AHCY: variants seen among roughly 807,000 people sequenced by gnomAD.
The protein encoded by AHCY is S-adenosyl-L-homocysteine hydrolase.
In AHCY, 24 loss-of-function variants were observed where a neutral mutation model predicts 45.4. The observed-to-expected ratio is 0.53, with a 90% CI of 0.38 to 0.74. The LOEUF is 0.74. Among genes scored for constraint, AHCY ranks in the 30% least tolerant of loss-of-function variants. The pLI is 0.00. For synonymous variants in AHCY, 245 were observed against 235.1 expected (o/e 1.04, Z -0.39); for missense variants, 449 against 594.1 (o/e 0.76, Z 2.54).
intron 9 of AHCY, 92 bp downstream of exon 9, chr20:34,285,348 A>G (rs2122728951): frequency 7.0e-7 from 1 of 1,436,580 alleles, no homozygotes; most frequent in East Asian, 2.3e-5. Context: ...GAGGGCAGAC[A>G]GGCAAGCACT....
chr20:34,235,859 A>AGCG, the AHCY span, among the ~76,000 whole-genome samples: 1 of 37,448 alleles, frequency 2.7e-5, no homozygotes, highest in Non-Finnish European at 4.2e-5. Context: ...GAAGGAAGGA[A>AGCG]GGAAGGAAAG....
chr20:34,292,290 C>A, intron 4 of AHCY, 68 bp downstream of exon 4: 2 of 1,565,706 alleles, frequency 1.3e-6, no homozygotes, highest in Non-Finnish European at 1.7e-6. Context: ...AGGCCTGCGG[C>A]CATCATGTGG....
chr20:34,291,052 C>A (rs929895294), intron 5 of AHCY, 114 bp from the exon 6 acceptor site: 45 of 1,048,458 alleles, frequency 4.3e-5, no homozygotes, highest in Non-Finnish European at 6.1e-5. Flanking sequence ...CCAAGCATCC[C>A]GGCCTGGGCT....
At chr20:34,264,789 A>AT in the AHCY span, among the ~76,000 whole-genome samples, 54,076 of 104,246 alleles carry the variant, frequency 0.52, 15,462 homozygotes, top group African/African-American at 0.73. Context: ...AGTTTACTTC[A>AT]TTTTTTTTTT....
chr20:34,281,843 T>C (rs1460926625), intron 9 of AHCY: 1 of 158,006 alleles, frequency 6.3e-6, no homozygotes, highest in Non-Finnish European at 1.4e-5. Flanking sequence ...TAACTTTCTG[T>C]TTTTAGTAGA....
At chr20:34,258,102 C>A in the AHCY span, among the ~76,000 whole-genome samples, 5 of 151,650 alleles carry the variant, frequency 3.3e-5, no homozygotes, top group African/African-American at 1.2e-4. Flanking sequence ...CAAGATCGCA[C>A]CACTGCACTC....
chr20:34,311,458 A>G (rs2036947194), intron 1 of AHCY: 1 of 151,850 alleles, frequency 6.6e-6, no homozygotes, highest in African/African-American at 2.4e-5. Flanking sequence ...CCTCCTCCCG[A>G]CCTTTGTACC....
chr20:34,291,127 C>T (rs1158275280), intron 5 of AHCY, among the ~76,000 whole-genome samples, 189 bp from the exon 6 acceptor site: 2 of 152,192 alleles, frequency 1.3e-5, no homozygotes, highest in East Asian at 3.9e-4. Context: ...GAGCTTCTCT[C>T]TAATCTTTCT....
downstream of AHCY, among the ~76,000 whole-genome samples, chr20:34,276,763 G>A (rs1372141192): frequency 1.3e-5 from 2 of 152,036 alleles, no homozygotes; most frequent in Admixed American, 1.3e-4. Context: ...CCGGGATTGA[G>A]TCCAGACCAA....
the AHCY span, among the ~76,000 whole-genome samples, chr20:34,265,577 G>A: frequency 6.6e-6 from 1 of 152,036 alleles, no homozygotes; most frequent in Non-Finnish European, 1.5e-5. Context: ...CCTAACCCCT[G>A]CATTGTTCAA....
chr20:34,253,963 T>C, the AHCY span, among the ~76,000 whole-genome samples: 1 of 152,198 alleles, frequency 6.6e-6, no homozygotes. Context: ...ACACATCAAA[T>C]AACAGTCTTC....
chr20:34,285,326 G>T, intron 9 of AHCY, 114 bp downstream of exon 9: 1 of 1,157,544 alleles, frequency 8.6e-7, no homozygotes, highest in Non-Finnish European at 1.3e-6. Flanking sequence ...AGGACCCCAT[G>T]AGGGCCTCTA....
chr20:34,289,831 G>A (rs909601862), intron 8 of AHCY, among the ~76,000 whole-genome samples: 8 of 152,082 alleles, frequency 5.3e-5, no homozygotes, highest in African/African-American at 2.4e-5. Flanking sequence ...ATGTTGGCCA[G>A]GCTAGTCTCG....
At chr20:34,266,859 G>T in the AHCY span, among the ~76,000 whole-genome samples, 3 of 152,138 alleles carry the variant, frequency 2.0e-5, no homozygotes, top group African/African-American at 7.2e-5. Context: ...ATTAACACAG[G>T]TTCCCACTTT....
chr20:34,254,108 C>T, the AHCY span, among the ~76,000 whole-genome samples: 3 of 151,850 alleles, frequency 2.0e-5, no homozygotes, highest in African/African-American at 7.3e-5. Context: ...TGTCACCCAG[C>T]CTGCAGTGCA....
chr20:34,244,183 C>T, the AHCY span, among the ~76,000 whole-genome samples: 21 of 152,200 alleles, frequency 1.4e-4, no homozygotes, highest in Non-Finnish European at 2.8e-4. Flanking sequence ...GAACAAACAC[C>T]GCAAGTCTTC....
intron 1 of AHCY, 88 bp downstream of exon 1, chr20:34,303,155 G>A: frequency 1.9e-6 from 3 of 1,540,516 alleles, no homozygotes; most frequent in Non-Finnish European, 2.6e-6. Context: ...GGTCCAGAGA[G>A]CCCCGAGTCG....
At chr20:34,269,395 C>G in the AHCY span, 1 of 537,946 alleles carries the variant, frequency 1.9e-6, no homozygotes, top group Non-Finnish European at 3.1e-6. Flanking sequence ...TCGGTCCCTT[C>G]GCCACGGAGT....
chr20:34,243,989 C>G, the AHCY span, among the ~76,000 whole-genome samples: 1 of 152,066 alleles, frequency 6.6e-6, no homozygotes, highest in African/African-American at 2.4e-5. Context: ...GGCGTGAACC[C>G]GGGAAGCGGA....
Sources: gnomAD v4.1 joint callset for allele counts (sites outside exome capture counted in the v4.1 genomes callset) on GRCh38, gnomAD v4.1.1 for gene constraint, MANE v1.5 for transcripts, NCBI Gene and HGNC (gene_info 2026-07-23, HGNC 2026-07-21) for gene names.